Variants in LRFN3 observed in about 807,000 individuals in gnomAD.
LRFN3 encodes leucine rich repeat and fibronectin type III domain containing 3.
LRFN3 carries 8 observed loss-of-function variants against 23.8 expected under a neutral mutation model. The ratio of observed to expected loss-of-function variants is 0.34; its 90% CI spans 0.20 to 0.61. LRFN3 has a LOEUF of 0.61. Among genes scored for constraint, LRFN3 ranks in the 20% least tolerant of loss-of-function variants. LRFN3 has a pLI of 0.80. For synonymous variants in LRFN3, 451 were observed against 450.6 expected (o/e 1.00, Z -0.01); for missense variants, 736 against 935.3 (o/e 0.79, Z 2.78).
intron 2 of LRFN3, among the ~76,000 whole-genome samples, chr19:35,943,435 A>G (rs1976143306): frequency 6.6e-6 from 1 of 152,206 alleles, no homozygotes. Flanking sequence ...CAATACAGTC[A>G]TCATAATAAG....
At position 35,944,660 on chromosome 19, in the gene LRFN3, A is replaced by C; in HGVS notation, c.1528A>C (p.Thr510Pro). Residue 510 changes from threonine to proline, a missense_variant, in exon 3 of 3, where the codon ACG becomes CCG. Physicochemically the swap from Thr to Pro is conservative, Grantham distance 38 (BLOSUM62 -1). Coordinates refer to ENST00000246529, the MANE Select transcript of LRFN3 (RefSeq NM_024509.2). The surrounding 1 kb of genome is among the most constrained non-coding windows in gnomAD (Gnocchi z 4.5). ...GGACAGCGCCACGGGGCTCACGGCC[A>C]CGCGGCCTGTGGGCTGCGCCCGCTT... ...YEDSATGLTA[T>P]RPVGCARFST... 6.3e-7 allele frequency: 1 copy of C among 1,596,988 alleles called. No homozygotes were observed.
Position 35,939,440 on chromosome 19 carries a change from G to A in LRFN3, c.15G>A (p.Pro5=), listed in dbSNP as rs143250868. Residue 5 remains proline, a synonymous_variant, in exon 2 of 3, where the codon CCG becomes CCA. Transcript: ENST00000246529. The surrounding 1 kb of genome is among the most constrained non-coding windows in gnomAD (Gnocchi z 6.4). ...CCCTGCCCGCGATGGCCATCCTCCC[G>A]TTGCTCCTGTGCCTGCTGCCGCTGG... is the stretch of plus-strand genomic sequence containing the variant. MAIL[P]LLLCLLPLAP... is the part of the protein sequence containing the mutation. 5.7e-4 allele frequency: 906 copies of A among 1,586,778 alleles called. 7 individuals are homozygous for A. The African/African-American group carries it at 0.011, about 19-fold the overall frequency.
intron 2 of LRFN3, among the ~76,000 whole-genome samples, chr19:35,941,635 C>A (rs1029951265): frequency 6.6e-6 from 1 of 151,948 alleles, no homozygotes; most frequent in Non-Finnish European, 1.5e-5. Context: ...GTGGTGCAAT[C>A]TCGGCTCACT....
At chr19:35,940,940 A>C in intron 2 of LRFN3, 100 bp downstream of exon 2, 1 of 1,394,300 alleles carries the variant, frequency 7.2e-7, no homozygotes, top group East Asian at 2.6e-5. Context: ...CACAACTGAT[A>C]AGTGATGCTG....
At position 35,936,396 on chromosome 19, in the gene LRFN3, C is replaced by T. The variant is rs1439289813; in HGVS notation, c.-1176C>T. The stretch of plus-strand genomic sequence containing the variant: ...TTTAAGCGCCGGTGCGCGCGCTGCC[C>T]TGGGTTGCCGGCGAGGAGGCCGCGG... On this transcript the variant is annotated 5_prime_UTR_variant, in exon 1 of 3. Transcript: ENST00000246529. Among the ~76,000 whole-genome samples the T allele has an allele frequency of 6.6e-6, 1 of 151,628 alleles. No individual in the cohort carries two copies. The highest frequency in any genetic ancestry group is 6.6e-5 in the Admixed American group (1 of 15,224).
chr19:35,938,615 G>A (rs983420153), intron 1 of LRFN3, among the ~76,000 whole-genome samples: 3 of 152,198 alleles, frequency 2.0e-5, no homozygotes, highest in Non-Finnish European at 2.9e-5. Context: ...ATCCTCCTGA[G>A]CAGCTGTCCT....
intron 1 of LRFN3, among the ~76,000 whole-genome samples, chr19:35,938,678 T>G (rs550209604): frequency 6.6e-6 from 1 of 152,218 alleles, no homozygotes; most frequent in African/African-American, 2.4e-5. Context: ...CTGACCACCT[T>G]GCTGGCTTTG....
Position 35,939,416 on chromosome 19 carries a change from C to T in LRFN3, c.-10C>T, listed in dbSNP as rs2145299514. On this transcript the variant is annotated 5_prime_UTR_variant, in exon 2 of 3. Coordinates refer to ENST00000246529, the MANE Select transcript of LRFN3 (RefSeq NM_024509.2). This position sits in a 1 kb window ranked among gnomAD's most constrained non-coding sequence, Gnocchi z 6.4. Reference sequence around the variant, plus strand: ...CCTCCCCTCTTCTCCGCAGGACACCCCTGCCCGCGATGGCCATCCTCCCGT... The same window carrying T: ...CCTCCCCTCTTCTCCGCAGGACACCTCTGCCCGCGATGGCCATCCTCCCGT... 1.3e-6 allele frequency: 2 copies of T among 1,571,172 alleles called. No homozygotes were observed. Among genetic ancestry groups the T allele is most frequent in the Non-Finnish European group, 8.6e-7 (1 of 1,161,212 alleles).
rs1444751124 is a variant in LRFN3, at chr19:35,940,782, G to C, written c.1357G>C (p.Gly453Arg). 1 of 1,610,174 alleles carries C rather than the reference G, an allele frequency of 6.2e-7. No homozygotes were observed. The highest frequency in any genetic ancestry group is 8.5e-7 in the Non-Finnish European group (1 of 1,177,636). ...VQWPDQRPIP[G>R]IRMYQIQYNS... ...GTGGCCGGATCAGCGGCCTATCCCGGGCATCCGCATGTACCAGATCCAGTA... is the reference window on the plus strand; with the variant it reads ...GTGGCCGGATCAGCGGCCTATCCCGCGCATCCGCATGTACCAGATCCAGTA... Residue 453 changes from glycine to arginine, a missense_variant, in exon 2 of 3, where the codon GGC becomes CGC. Physicochemically the swap from Gly to Arg is moderately radical, Grantham distance 125. Coordinates refer to ENST00000246529, the MANE Select transcript of LRFN3 (RefSeq NM_024509.2).
At chr19:35,942,373 C>T (rs1344221112) in intron 2 of LRFN3, among the ~76,000 whole-genome samples, 1 of 152,208 alleles carries the variant, frequency 6.6e-6, no homozygotes, top group East Asian at 1.9e-4. Context: ...GAGCACTCAG[C>T]ACATCTGCAG....
chr19:35,939,471 G>A lies in LRFN3; in HGVS notation c.46G>A (p.Ala16Thr). ...CCTGTGCCTGCTGCCGCTGGCCCCT[G>A]CCTCATCCCCACCCCAGTCAGCCAC... The part of the protein sequence containing the change: ...LLLCLLPLAP[A>T]SSPPQSATPS... The change falls in exon 2 of 3, where the codon GCC becomes ACC. Residue 16 changes from alanine (A) to threonine (T), a missense_variant. By Grantham distance (58) the Ala-to-Thr change is moderately conservative. Coordinates refer to ENST00000246529, the MANE Select transcript of LRFN3 (RefSeq NM_024509.2). This position sits in a 1 kb window ranked among gnomAD's most constrained non-coding sequence, Gnocchi z 6.4. 6.2e-7 allele frequency: 1 copy of A among 1,601,102 alleles called. No individual in the cohort carries two copies. Among genetic ancestry groups the A allele is most frequent in the East Asian group, 2.2e-5 (1 of 44,712 alleles).
Position 35,944,726 on chromosome 19 carries a change from G to A in LRFN3, c.1594G>A (p.Ala532Thr), listed in dbSNP as rs745952887. The A allele has an allele frequency of 6.2e-7, 1 of 1,605,558 alleles. No individual in the cohort carries two copies. Among genetic ancestry groups the A allele is most frequent in the South Asian group, 1.1e-5 (1 of 89,970 alleles). Residue 532 changes from alanine (A) to threonine (T), a missense_variant, in exon 3 of 3, where the codon GCT becomes ACT. This residue lies in a region of LRFN3 where 290 missense variants were observed against 287.4 expected (regional missense o/e 1.01). Coordinates refer to ENST00000246529, the MANE Select transcript of LRFN3 (RefSeq NM_024509.2). This position sits in a 1 kb window ranked among gnomAD's most constrained non-coding sequence, Gnocchi z 4.5. Reference sequence around the variant, plus strand: ...GCTGCGGCCATGCGGGGCGCCGCACGCTCCCTTCCTGGGCGGCACGATGAT... The same window carrying A: ...GCTGCGGCCATGCGGGGCGCCGCACACTCCCTTCCTGGGCGGCACGATGAT... ...PALRPCGAPH[A>T]PFLGGTMIIA...
In LRFN3 at chr19:35,940,079, A is replaced by G. The variant is rs1307584307; in HGVS notation, c.654A>G (p.Thr218=). 1.9e-6 allele frequency: 3 copies of G among 1,611,968 alleles called. No individual in the cohort carries two copies. The African/African-American group carries it at 4.0e-5, about 22-fold the overall frequency. The change falls in exon 2 of 3, where the codon ACA becomes ACG. Residue 218 remains threonine (T), a synonymous_variant. Transcript: ENST00000246529. ...ACATGACCTCCAACCGCCTGACCAC[A>G]ATCCCACCCGACCCACTCTTCTCCC... The part of the protein sequence containing the change: ...RLDMTSNRLT[T]IPPDPLFSRL...
rs755492282 is a variant in LRFN3, at chr19:35,939,514, G to T, written c.89G>T (p.Arg30Leu). Residue 30 changes from arginine (R) to leucine (L), a missense_variant, in exon 2 of 3, where the codon CGC (arginine) becomes CTC (leucine). By Grantham distance (102) the Arg-to-Leu change is moderately radical. Around this residue, in one of 2 missense-constraint regions of LRFN3, gnomAD observed 446 missense variants for 647.9 expected, o/e 0.69. Coordinates refer to ENST00000246529, the MANE Select transcript of LRFN3 (RefSeq NM_024509.2). This position sits in a 1 kb window ranked among gnomAD's most constrained non-coding sequence, Gnocchi z 6.4. ...PQSATPSPCP[R>L]RCRCQTQSLP... Reference sequence around the variant, plus strand: ...TCAGCCACACCCAGCCCATGTCCCCGCCGCTGCCGCTGCCAGACACAGTCG... The same window carrying T: ...TCAGCCACACCCAGCCCATGTCCCCTCCGCTGCCGCTGCCAGACACAGTCG... 6.2e-7 allele frequency: 1 copy of T among 1,606,918 alleles called. No homozygotes were observed. The highest frequency in any genetic ancestry group is 8.5e-7 in the Non-Finnish European group (1 of 1,179,140).
At chr19:35,942,174 G>A (rs547732925) in intron 2 of LRFN3, among the ~76,000 whole-genome samples, 71 of 152,230 alleles carry the variant, frequency 4.7e-4, no homozygotes, top group African/African-American at 1.4e-3. Flanking sequence ...GAGCCACCGC[G>A]CCCGACAGAT....
In LRFN3 at chr19:35,944,402, G is replaced by T; in HGVS notation, c.1416-146G>T. ...GGGATGTCAGACCAAAGGGAATTGGGATGTTGGTGAGAGGGAGCTCATTGG... is the reference window on the plus strand; with the variant it reads ...GGGATGTCAGACCAAAGGGAATTGGTATGTTGGTGAGAGGGAGCTCATTGG... On this transcript the variant is annotated intron_variant, in intron 2 of 2. Transcript: ENST00000246529. This position sits in a 1 kb window ranked among gnomAD's most constrained non-coding sequence, Gnocchi z 4.5. 1.9e-6 allele frequency: 1 copy of T among 521,414 alleles called. No homozygotes were observed. The highest frequency in any genetic ancestry group is 3.2e-6 in the Non-Finnish European group (1 of 313,606). The allele number at this position is 521,414 out of a possible 1,614,324, so 32.3% of individuals were successfully genotyped here.
rs1232454266 is a variant in LRFN3 at position 35,940,764 on chromosome 19, G to A, written c.1339G>A (p.Asp447Asn). ...CACAGCTGCTCTTGTCCAGTGGCCG[G>A]ATCAGCGGCCTATCCCGGGCATCCG... ...GATAALVQWPDQRPIPGIRMY... is the reference protein window; with the variant it reads ...GATAALVQWPNQRPIPGIRMY... The change falls in exon 2 of 3, where the codon GAT becomes AAT. Residue 447 changes from aspartate (D) to asparagine (N), a missense_variant. Asp to Asn is a conservative substitution (Grantham distance 23, BLOSUM62 1). This residue lies in a region of LRFN3 where 290 missense variants were observed against 287.4 expected (regional missense o/e 1.01). Coordinates refer to ENST00000246529, the MANE Select transcript of LRFN3 (RefSeq NM_024509.2). 6.2e-7 allele frequency: 1 copy of A among 1,612,284 alleles called. No individual in the cohort carries two copies. The highest frequency in any genetic ancestry group is 1.7e-5 in the Admixed American group (1 of 59,964).
chr19:35,941,561 A>G (rs1309779437), intron 2 of LRFN3, among the ~76,000 whole-genome samples: 1 of 152,064 alleles, frequency 6.6e-6, no homozygotes, highest in Admixed American at 6.6e-5. Context: ...GTTCTAATAT[A>G]GTGACATCCA....
chr19:35,939,513 C>T lies in LRFN3; in HGVS notation c.88C>T (p.Arg30Cys), dbSNP rs754345820. 14 of 1,607,198 alleles carry T rather than the reference C, an allele frequency of 8.7e-6. No homozygotes were observed. Among genetic ancestry groups the T allele is most frequent in the African/African-American group, 2.7e-5 (2 of 74,916 alleles). Reference protein sequence around the residue: ...PQSATPSPCPRRCRCQTQSLP... With the variant: ...PQSATPSPCPCRCRCQTQSLP... ...GTCAGCCACACCCAGCCCATGTCCC[C>T]GCCGCTGCCGCTGCCAGACACAGTC... is the stretch of plus-strand genomic sequence containing the variant. Residue 30 changes from arginine to cysteine, a missense_variant, in exon 2 of 3, where the codon CGC becomes TGC. By Grantham distance (180) the Arg-to-Cys change is radical. Transcript: ENST00000246529. The surrounding 1 kb of genome is among the most constrained non-coding windows in gnomAD (Gnocchi z 6.4).
Sources: gnomAD v4.1 joint callset for allele counts (sites outside exome capture counted in the v4.1 genomes callset) on GRCh38, gnomAD v4.1.1 for gene constraint, gnomAD v4.1.1 regional missense constraint, Gnocchi (gnomAD v3.1) non-coding constraint, MANE v1.5 for transcripts, NCBI Gene and HGNC (gene_info 2026-07-23, HGNC 2026-07-21) for gene names.